The following AKAP14 variants were observed in gnomAD, a reference collection of about 807,000 sequenced individuals.
AKAP14 encodes the protein A-kinase anchor protein 14.
In AKAP14, 4 loss-of-function variants were observed where a neutral mutation model predicts 17.0. That is an observed-to-expected ratio of 0.23 (90% confidence interval 0.12 to 0.54). The LOEUF (loss-of-function observed/expected upper bound fraction) is 0.54. Ranked by LOEUF, AKAP14 falls within the 20% of genes least tolerant of loss-of-function variation. The pLI is 0.95. For synonymous variants in AKAP14, 42 were observed against 51.3 expected, an observed-to-expected ratio of 0.82 and a Z score of 0.77; for missense variants, 129 against 150.9, an observed-to-expected ratio of 0.85 and a Z score of 0.76.
chrX:119,914,703 G>A lies in AKAP14; in HGVS notation c.266G>A (p.Cys89Tyr), dbSNP rs2056647163. Reference protein sequence around the residue: ...LKQIDEYFSKCVSKKCWAHGV... With the variant: ...LKQIDEYFSKYVSKKCWAHGV... Reference sequence around the variant, plus strand: ...TTTCTTTTTTCTATGAAACAGAAGTGTGTTTCTAAAAAATGCTGGGCACAT... The same window carrying A: ...TTTCTTTTTTCTATGAAACAGAAGTATGTTTCTAAAAAATGCTGGGCACAT... The change falls in exon 5 of 7, where the codon TGT becomes TAT. Residue 89 changes from cysteine to tyrosine, a missense_variant. Coordinates refer to ENST00000371431, the MANE Select transcript of AKAP14 (RefSeq NM_178813.6). The A allele has an allele frequency of 8.3e-7, 1 of 1,200,899 alleles. No homozygotes were observed. Among genetic ancestry groups the A allele is most frequent in the Non-Finnish European group, 1.1e-6 (1 of 892,160 alleles).
chrX:119,898,961 G>A (rs749059544), intron 2 of AKAP14, among the ~76,000 whole-genome samples: 4 of 107,943 alleles, frequency 3.7e-5, no homozygotes, highest in Admixed American at 2.0e-4. Context: ...GAGGTCAGGA[G>A]TTCAAGACCA....
chrX:119,920,064 C>A, intron 6 of AKAP14, 101 bp downstream of exon 6: 1 of 874,817 alleles, frequency 1.1e-6, no homozygotes, highest in South Asian at 2.3e-5. Flanking sequence ...ATGTAATGGT[C>A]ACTTTTCTTC....
intron 4 of AKAP14, among the ~76,000 whole-genome samples, chrX:119,905,929 A>G (rs149796972): frequency 0.015 from 1,652 of 111,298 alleles, 19 homozygotes; most frequent in Non-Finnish European, 0.022. Flanking sequence ...CCCAGACCAT[A>G]TGGTCCATGA....
intron 4 of AKAP14, among the ~76,000 whole-genome samples, chrX:119,910,912 T>C (rs1220001550): frequency 9.2e-6 from 1 of 108,209 alleles, no homozygotes; most frequent in Non-Finnish European, 1.9e-5. Context: ...TCCGCCCTCC[T>C]CGGCCTCCCA....
At chrX:119,914,654 A>C (rs1245297426) in intron 4 of AKAP14, 45 bp from the exon 5 acceptor site, 1 of 1,151,815 alleles carries the variant, frequency 8.7e-7, no homozygotes, top group Non-Finnish European at 1.2e-6. Context: ...CTTGAACAGA[A>C]GGCTTTTCTT....
chrX:119,915,307 G>A (rs774707869), intron 5 of AKAP14, among the ~76,000 whole-genome samples: 35 of 111,471 alleles, frequency 3.1e-4, no homozygotes, highest in African/African-American at 1.1e-3. Flanking sequence ...CCCGTCCCAC[G>A]TGGATGTTTA....
chrX:119,920,394 A>C (rs1284715037), intron 6 of AKAP14, 114 bp from the exon 7 acceptor site: 2 of 545,634 alleles, frequency 3.7e-6, no homozygotes, highest in South Asian at 3.3e-5. Context: ...CCAATAAAAG[A>C]GGCTTCTTGC....
chrX:119,903,080 C>T (rs1050716410), intron 2 of AKAP14, 134 bp from the exon 3 acceptor site: 1 of 594,287 alleles, frequency 1.7e-6, no homozygotes, highest in African/African-American at 2.3e-5. Flanking sequence ...TACCCTTAAA[C>T]CCCTAATCCC....
chrX:119,916,835 C>T (rs1220607565), intron 5 of AKAP14, among the ~76,000 whole-genome samples: 3 of 98,855 alleles, frequency 3.0e-5, no homozygotes, highest in Non-Finnish European at 6.1e-5. Context: ...AGGGCAGGCG[C>T]GGTGGCTCAT....
rs186854301 is a variant in AKAP14, at chrX:119,917,459, G to A, written c.442-2452G>A. Among the ~76,000 whole-genome samples the A allele has an allele frequency of 4.3e-3, 485 of 112,197 alleles. 5 individuals are homozygous for A. The highest frequency in any genetic ancestry group is 0.015 in the African/African-American group (468 of 30,946). On this transcript the variant is annotated intron_variant, in intron 5 of 6. Transcript: ENST00000371431. ...TGTCACTACTAAAAGTACAAAATTA[G>A]CCAGGCGTGGTGGCTCATGCCTATA...
rs895925650 is a variant in AKAP14 at position 119,916,852 on chromosome X, A to G, written c.441+1974A>G. Among the ~76,000 whole-genome samples the G allele has an allele frequency of 3.8e-3, 378 of 100,433 alleles. 4 individuals carry two copies. The highest frequency in any genetic ancestry group is 0.012 in the African/African-American group (342 of 28,342). 87.2% of individuals were successfully genotyped at this position (100,433 alleles called of 115,157 possible). On this transcript the variant is annotated intron_variant, in intron 5 of 6. Coordinates refer to ENST00000371431, the MANE Select transcript of AKAP14 (RefSeq NM_178813.6). ...GGCAGGCGCGGTGGCTCATGCTTGT[A>G]ATCCCAGCACTTTGGGAGGCTTACG...
chrX:119,900,618 G>C (rs768555312), intron 2 of AKAP14, among the ~76,000 whole-genome samples: 2 of 111,442 alleles, frequency 1.8e-5, no homozygotes, highest in Admixed American at 9.6e-5. Flanking sequence ...CTGCAGCCTC[G>C]ACCTCCCAGG....
At chrX:119,906,047 C>G (rs929949270) in intron 4 of AKAP14, among the ~76,000 whole-genome samples, 6 of 110,827 alleles carry the variant, frequency 5.4e-5, no homozygotes, top group Non-Finnish European at 1.1e-4. Flanking sequence ...ATTGCATTAC[C>G]GTATTTCTTC....
Position 119,920,599 on chromosome X carries a change from C to T in AKAP14, c.586C>T (p.Arg196Cys), listed in dbSNP as rs1343460623. Residue 196 changes from arginine to cysteine, a missense_variant, in exon 7 of 7, where the codon CGT (arginine) becomes TGT (cysteine). By Grantham distance (180) the Arg-to-Cys change is radical (BLOSUM62 -3). Transcript: ENST00000371431. The part of the protein sequence containing the change: ...FMESFPFLFN[R>C]V ...GGAGTCATTCCCCTTCTTATTCAAT[C>T]GTGTCTGATACTTACAGGATGTCTT... 1.7e-6 allele frequency: 2 copies of T among 1,191,087 alleles called. No individual in the cohort carries two copies. The highest frequency in any genetic ancestry group is 3.0e-5 in the East Asian group (1 of 33,624).
chrX:119,915,651 G>A (rs1234341763), intron 5 of AKAP14, among the ~76,000 whole-genome samples: 2 of 111,797 alleles, frequency 1.8e-5, no homozygotes, highest in Admixed American at 9.6e-5. Flanking sequence ...GATTACAGTC[G>A]TGCGCCACCA....
At position 119,897,661 on chromosome X, in the gene AKAP14, A is replaced by G. The variant is rs146774519; in HGVS notation, c.-11+1394A>G. Among the ~76,000 whole-genome samples, 538 of 112,103 alleles carry G rather than the reference A, an allele frequency of 4.8e-3. 3 individuals carry two copies. Among genetic ancestry groups the G allele is most frequent in the African/African-American group, 0.016 (505 of 30,935 alleles). Reference sequence around the variant, plus strand: ...AGTGTTAAGGACCTTTAGGCTCCTCACTGACCACCCTTTAGCCTCTGGCTG... The same window carrying G: ...AGTGTTAAGGACCTTTAGGCTCCTCGCTGACCACCCTTTAGCCTCTGGCTG... On this transcript the variant is annotated intron_variant, in intron 2 of 6. Transcript: ENST00000371431.
intron 5 of AKAP14, among the ~76,000 whole-genome samples, chrX:119,918,375 G>A (rs1177333794): frequency 9.0e-6 from 1 of 111,579 alleles, no homozygotes; most frequent in African/African-American, 3.2e-5. Context: ...GGGATTACAG[G>A]CACATGCCAC....
intron 5 of AKAP14, among the ~76,000 whole-genome samples, chrX:119,916,653 C>CT (rs34475201): frequency 0.013 from 870 of 66,367 alleles, 19 homozygotes; most frequent in African/African-American, 0.04. Flanking sequence ...CCACGCCTGG[C>CT]TTTTTTTTTT....
intron 5 of AKAP14, among the ~76,000 whole-genome samples, chrX:119,916,191 T>C (rs960884433): frequency 4.6e-5 from 5 of 109,261 alleles, no homozygotes; most frequent in South Asian, 7.8e-4. Context: ...CTTTTTTTTT[T>C]AAGACAGAGT....
Sources: gnomAD v4.1 joint callset for allele counts (sites outside exome capture counted in the v4.1 genomes callset) on GRCh38, gnomAD v4.1.1 for gene constraint, MANE v1.5 for transcripts, NCBI Gene and HGNC (gene_info 2026-07-23, HGNC 2026-07-21) for gene names.